Variants in USP28 observed in about 807,000 individuals in gnomAD.
USP28 encodes ubiquitin specific peptidase 28.
Under a neutral mutation model 145.0 loss-of-function variants are expected in USP28, and 113 were observed. The observed-to-expected ratio is 0.78, with a 90% CI of 0.67 to 0.91. The LOEUF (loss-of-function observed/expected upper bound fraction) is 0.91. Among genes scored for constraint, USP28 ranks in the 40% least tolerant of loss-of-function variants. The pLI is 0.00. For missense variants in USP28, 1,201 were observed against 1,289.6 expected (o/e 0.93, Z 1.05); for synonymous variants, 447 against 450.9 (o/e 0.99, Z 0.11).
At chr11:113,812,533 C>A in intron 15 of USP28, 29 bp from the exon 16 acceptor site, 1 of 1,593,334 alleles carries the variant, frequency 6.3e-7, no homozygotes, top group South Asian at 1.1e-5. Flanking sequence ...ATTCCCCAGT[C>A]AGGTGAAGCA....
exon 25 of USP28, chr11:113,799,299 T>A: frequency 6.2e-7 from 1 of 1,614,142 alleles, no homozygotes; most frequent in South Asian, 1.1e-5. Flanking sequence ...GCAAATCGGC[T>A]ACATAGGTCA....
intron 6 of USP28, 108 bp from the exon 7 acceptor site, chr11:113,833,665 G>A: frequency 8.9e-7 from 1 of 1,118,390 alleles, no homozygotes. Flanking sequence ...TATTTACCTA[G>A]ATCTAGGTCA....
chr11:113,835,065 T>C (rs2428015), intron 5 of USP28: 256,857 of 315,252 alleles, frequency 0.81, 105,128 homozygotes, highest in East Asian at 0.89. Context: ...TTTTTTAAGC[T>C]AGGTGGTTAG....
At chr11:113,827,055 A>C (rs965258094) in intron 11 of USP28, among the ~76,000 whole-genome samples, 178 bp downstream of exon 11, 2 of 152,134 alleles carry the variant, frequency 1.3e-5, no homozygotes, top group Admixed American at 6.5e-5. Context: ...CAGAAGCAAC[A>C]TGAGCACAAC....
rs1942527442 is a variant in USP28 at position 113,821,106 on chromosome 11, G to A, written c.1283+2499C>T. 1.2e-5 allele frequency: 3 copies of A among 243,482 alleles called. No individual in the cohort carries two copies. The South Asian group carries it at 1.9e-4, about 15-fold the overall frequency. 15.1% of individuals were successfully genotyped at this position (243,482 alleles called of 1,614,324 possible). On this transcript the variant is annotated intron_variant, in intron 12 of 24. Coordinates refer to ENST00000003302, the Ensembl canonical transcript of USP28. ...GTGAGGGACTTGGGATGAAAGTACT[G>A]GGGCTTTGAAGTCATTGTGGATGGC...
intron 21 of USP28, 116 bp downstream of exon 22, chr11:113,804,557 G>T: frequency 1.2e-6 from 1 of 848,950 alleles, no homozygotes; most frequent in Non-Finnish European, 1.8e-6. Context: ...GATTTTGAGG[G>T]GAAAGTGGAA....
chr11:113,816,097 T>C (rs1030879195), intron 13 of USP28, among the ~76,000 whole-genome samples: 5 of 152,224 alleles, frequency 3.3e-5, no homozygotes, highest in Non-Finnish European at 7.3e-5. Flanking sequence ...AATTTCTCTA[T>C]TGTCAGAGTA....
chr11:113,854,589 AC>A (rs1411488772), intron 1 of USP28, among the ~76,000 whole-genome samples: 1 of 152,114 alleles, frequency 6.6e-6, no homozygotes, highest in Non-Finnish European at 1.5e-5. Flanking sequence ...TTTAGTAGTG[AC>A]GGGGTTTCAC....
In USP28 at chr11:113,830,189, C is replaced by T. The variant is rs1448745645; in HGVS notation, c.910+678G>A. ...ACTGGGGTCCTGACTAAAACAAACTCTAAAAATAAATTTTCTATTTTTAAA... is the reference window on the plus strand; with the variant it reads ...ACTGGGGTCCTGACTAAAACAAACTTTAAAAATAAATTTTCTATTTTTAAA... On this transcript the variant is annotated intron_variant, in intron 9 of 24. Coordinates refer to ENST00000003302, the Ensembl canonical transcript of USP28. 2.0e-5 allele frequency among the ~76,000 whole-genome samples: 3 copies of T among 151,766 alleles called. No homozygotes were observed. The East Asian group carries it at 5.8e-4, about 29-fold the overall frequency.
At chr11:113,803,514 AG>A (rs1165542422) in intron 22 of USP28, among the ~76,000 whole-genome samples, 1 of 152,204 alleles carries the variant, frequency 6.6e-6, no homozygotes, top group Non-Finnish European at 1.5e-5. Flanking sequence ...AATGCTCACT[AG>A]GGTCTATGTC....
intron 16 of USP28, among the ~76,000 whole-genome samples, chr11:113,811,442 C>CT (rs1393597764): frequency 6.6e-6 from 1 of 152,216 alleles, no homozygotes; most frequent in East Asian, 1.9e-4. Context: ...AATCCCAGCA[C>CT]TTTGAGAGGC....
chr11:113,874,693 T>C (rs575225490), intron 1 of USP28: 2 of 1,217,200 alleles, frequency 1.6e-6, no homozygotes, highest in South Asian at 2.9e-5. Flanking sequence ...CATGCTCAAA[T>C]TGCCCTCTTC....
chr11:113,850,688 T>C (rs1946356168), intron 3 of USP28, among the ~76,000 whole-genome samples: 1 of 152,168 alleles, frequency 6.6e-6, no homozygotes, highest in African/African-American at 2.4e-5. Context: ...CCGTGGGCAC[T>C]CTTCACCTCC....
At chr11:113,801,740 A>G in intron 23 of USP28, 62 bp from the exon 25 acceptor site, 1 of 1,372,384 alleles carries the variant, frequency 7.3e-7, no homozygotes, top group Non-Finnish European at 9.8e-7. Context: ...TCTCTTTAAT[A>G]ACAGTCTAAA....
At chr11:113,831,173 A>C (rs1943945164) in intron 8 of USP28, among the ~76,000 whole-genome samples, 1 of 152,208 alleles carries the variant, frequency 6.6e-6, no homozygotes, top group Non-Finnish European at 1.5e-5. Context: ...CAATCCCTGG[A>C]CTTAAGGAGC....
exon 15 of USP28, chr11:113,813,896 G>A: frequency 1.2e-6 from 2 of 1,612,804 alleles, no homozygotes; most frequent in South Asian, 1.1e-5. Context: ...TGACGAAGGA[G>A]AGGATCGCAG....
intron 1 of USP28, among the ~76,000 whole-genome samples, chr11:113,868,926 A>C (rs374871129): frequency 7.2e-6 from 1 of 138,416 alleles, no homozygotes; most frequent in Non-Finnish European, 1.6e-5. Context: ...ACCATGTCTC[A>C]AAAAAAAAAA....
At chr11:113,844,697 A>C (rs1012289362) in intron 3 of USP28, among the ~76,000 whole-genome samples, 20 of 152,344 alleles carry the variant, frequency 1.3e-4, no homozygotes, top group Admixed American at 1.3e-3. Context: ...TCAAAACCAC[A>C]ATGAGATATA....
intron 17 of USP28, 104 bp from the exon 18 acceptor site, chr11:113,808,541 T>A: frequency 8.1e-7 from 1 of 1,231,466 alleles, no homozygotes; most frequent in Non-Finnish European, 1.1e-6. Context: ...ACAACCCTGT[T>A]AACACAGCTT....
Sources: gnomAD v4.1 joint callset for allele counts (sites outside exome capture counted in the v4.1 genomes callset) on GRCh38, gnomAD v4.1.1 for gene constraint, MANE v1.5 for transcripts, NCBI Gene and HGNC (gene_info 2026-07-23, HGNC 2026-07-21) for gene names.